Variants in PDE8B observed in about 807,000 individuals in gnomAD.
The protein encoded by PDE8B is high affinity cAMP-specific and IBMX-insensitive 3',5'-cyclic phosphodiesterase 8B.
In PDE8B, 26 loss-of-function variants were observed where a neutral mutation model predicts 101.3. That is an observed-to-expected ratio of 0.26 (90% confidence interval 0.19 to 0.36). The LOEUF (loss-of-function observed/expected upper bound fraction) is 0.36. PDE8B is among the 10% of genes least tolerant of loss of function. The probability of loss-of-function intolerance (pLI) is 1.00; values close to 1 mark genes in which losing one functional copy is unlikely to be tolerated. For synonymous variants in PDE8B, 424 were observed against 429.3 expected, an observed-to-expected ratio of 0.99 and a Z score of 0.15; for missense variants, 810 against 1,163.1, an observed-to-expected ratio of 0.70 and a Z score of 4.42.
intron 1 of PDE8B, among the ~76,000 whole-genome samples, chr5:77,217,703 T>C (rs1750102893): frequency 6.6e-6 from 1 of 152,010 alleles, no homozygotes; most frequent in African/African-American, 2.4e-5. Context: ...CTCGGCTAAT[T>C]TTTTGGTATT....
intron 10 of PDE8B, among the ~76,000 whole-genome samples, chr5:77,388,703 G>A (rs1789257675): frequency 1.3e-5 from 2 of 152,208 alleles, no homozygotes; most frequent in South Asian, 4.1e-4. Flanking sequence ...TCTGTCCCAG[G>A]GAGATGGGGG....
intron 1 of PDE8B, among the ~76,000 whole-genome samples, chr5:77,264,996 GGGTACTAGATGTTCA>G (rs1178198579): frequency 2.0e-5 from 3 of 152,154 alleles, no homozygotes. Flanking sequence ...TGCTTGTGCA[GGGTACTAGATGTTCA>G]GGTTTTACAA....
chr5:77,146,914 G>T, the PDE8B span: 1 of 434,188 alleles, frequency 2.3e-6, no homozygotes. Context: ...GAAAATCAAA[G>T]GAGAACATCC....
intron 1 of PDE8B, among the ~76,000 whole-genome samples, chr5:77,245,268 A>G (rs1436427262): frequency 6.6e-6 from 1 of 152,238 alleles, no homozygotes; most frequent in Non-Finnish European, 1.5e-5. Flanking sequence ...ACAAGCTAAC[A>G]ATGGTTTAAA....
rs1798198222 is a variant in PDE8B, at chr5:77,426,641, A to G, written c.*87A>G. ...ACGAGAGGCCTTCCTTTCTAATGAC[A>G]ATGACAGGTATTGGTGAAGGAGCTA... On this transcript the variant is annotated 3_prime_UTR_variant, in exon 22 of 22. Coordinates refer to ENST00000264917, the MANE Select transcript of PDE8B (RefSeq NM_003719.5). 1.3e-6 allele frequency: 1 copy of G among 750,332 alleles called. No homozygotes were observed. 46.5% of individuals were successfully genotyped at this position (750,332 alleles called of 1,614,324 possible).
At chr5:77,408,750 A>G in intron 13 of PDE8B, 143 bp from the exon 14 acceptor site, 6 of 721,884 alleles carry the variant, frequency 8.3e-6, no homozygotes, top group South Asian at 3.0e-5. Context: ...TGCTTCAGGA[A>G]GAAGGGCGGT....
intron 1 of PDE8B, among the ~76,000 whole-genome samples, chr5:77,296,297 T>C (rs763616267): frequency 6.6e-6 from 1 of 152,050 alleles, no homozygotes; most frequent in Non-Finnish European, 1.5e-5. Context: ...TGTTTCACTC[T>C]GTCACCCAGG....
At chr5:77,167,942 C>T in the PDE8B span, among the ~76,000 whole-genome samples, 7 of 152,172 alleles carry the variant, frequency 4.6e-5, no homozygotes, top group South Asian at 8.3e-4. Context: ...AAGGGGGTAA[C>T]ATGAGCCAAA....
intron 10 of PDE8B, among the ~76,000 whole-genome samples, chr5:77,397,026 A>T (rs1025978078): frequency 1.2e-4 from 10 of 84,402 alleles, no homozygotes; most frequent in Non-Finnish European, 1.7e-4. Flanking sequence ...CCGATAAGAA[A>T]TTTTTTTTTT....
At chr5:77,185,589 C>CCAT in the PDE8B span, among the ~76,000 whole-genome samples, 2 of 152,090 alleles carry the variant, frequency 1.3e-5, no homozygotes, top group Admixed American at 1.3e-4. Flanking sequence ...ACAATTCAGC[C>CCAT]CATAACACAT....
intron 1 of PDE8B, among the ~76,000 whole-genome samples, chr5:77,288,340 C>T (rs751619755): frequency 8.5e-5 from 13 of 152,172 alleles, no homozygotes; most frequent in Admixed American, 6.5e-5. Context: ...TGTCAGTGGC[C>T]TTCAGGGGAT....
intron 2 of PDE8B, 120 bp downstream of exon 2, chr5:77,312,173 G>A (rs928268704): frequency 5.5e-6 from 4 of 721,700 alleles, no homozygotes; most frequent in South Asian, 1.5e-5. Context: ...GCTCAGTCTC[G>A]GCTCACTGCA....
chr5:77,245,616 C>T (rs1756693093), intron 1 of PDE8B, among the ~76,000 whole-genome samples: 1 of 152,120 alleles, frequency 6.6e-6, no homozygotes, highest in African/African-American at 2.4e-5. Flanking sequence ...TTTCATGGAG[C>T]AGCTTGTGTG....
At chr5:77,217,331 T>G (rs1429552652) in intron 1 of PDE8B, among the ~76,000 whole-genome samples, 2 of 152,134 alleles carry the variant, frequency 1.3e-5, no homozygotes, top group Non-Finnish European at 2.9e-5. Context: ...CTTTCCCACT[T>G]TCTATAACCT....
intron 7 of PDE8B, 113 bp downstream of exon 7, chr5:77,345,044 A>T (rs111538620): frequency 1.3e-6 from 1 of 764,998 alleles, no homozygotes; most frequent in African/African-American, 1.7e-5. Context: ...ACATTTTCTT[A>T]GGAGAAATAA....
chr5:77,097,422 T>G, the PDE8B span, among the ~76,000 whole-genome samples: 1 of 151,806 alleles, frequency 6.6e-6, no homozygotes, highest in Non-Finnish European at 1.5e-5. Context: ...AGAGTAAAGG[T>G]ATTGTCCAGC....
intron 1 of PDE8B, among the ~76,000 whole-genome samples, chr5:77,216,632 C>A (rs1749802569): frequency 1.3e-5 from 2 of 152,108 alleles, no homozygotes. Flanking sequence ...TTATGGGAAG[C>A]TGAGAAACCA....
rs115568593 is a variant in PDE8B, at chr5:77,422,202, G to C, written c.2418+214G>C. Among the ~76,000 whole-genome samples the C allele has an allele frequency of 4.6e-3, 695 of 152,340 alleles. 3 individuals are homozygous for C. Among genetic ancestry groups the C allele is most frequent in the African/African-American group, 0.016 (670 of 41,576 alleles). Reference sequence around the variant, plus strand: ...TCACTAACCAGAGTCTCTTGAGAAGGGGGATAAACTGAGCCTTTGGAAGTA... The same window carrying C: ...TCACTAACCAGAGTCTCTTGAGAAGCGGGATAAACTGAGCCTTTGGAAGTA... On this transcript the variant is annotated intron_variant, in intron 20 of 21. Transcript: ENST00000264917.
At chr5:77,257,861 C>T (rs1759518770) in intron 1 of PDE8B, among the ~76,000 whole-genome samples, 1 of 152,072 alleles carries the variant, frequency 6.6e-6, no homozygotes, top group African/African-American at 2.4e-5. Flanking sequence ...GTATTGTTCC[C>T]CTCCCTGTGT....
Sources: allele counts gnomAD v4.1 joint callset (sites outside exome capture counted in the v4.1 genomes callset), GRCh38; gene constraint gnomAD v4.1.1; transcripts MANE v1.5; gene names NCBI Gene and HGNC (gene_info 2026-07-23, HGNC 2026-07-21).